GRIK5: variants seen among roughly 807,000 people sequenced by gnomAD.
GRIK5 encodes glutamate ionotropic receptor kainate type subunit 5, also known as glutamate receptor ionotropic, kainate 5.
A neutral mutation model predicts 97.4 loss-of-function variants in GRIK5; 43 were observed. The observed-to-expected ratio is 0.44, with a 90% CI of 0.35 to 0.57. GRIK5 has a LOEUF of 0.57. Among genes scored for constraint, GRIK5 ranks in the 20% least tolerant of loss-of-function variants. The probability of loss-of-function intolerance (pLI) is 0.01; values close to 1 mark genes in which losing one functional copy is unlikely to be tolerated. For synonymous variants in GRIK5, 580 were observed against 583.5 expected (o/e 0.99, Z 0.09); for missense variants, 1,015 against 1,382.0 (o/e 0.73, Z 4.21).
chr19:42,027,942 A>G (rs2075792013), intron 12 of GRIK5, among the ~76,000 whole-genome samples: 1 of 152,066 alleles, frequency 6.6e-6, no homozygotes, highest in Admixed American at 6.6e-5. Context: ...CGATTCTCCT[A>G]TACCTCAACC....
At position 42,065,804 on chromosome 19, in the gene GRIK5, C is replaced by T. The variant is rs767344405; in HGVS notation, c.-34G>A. On this transcript the variant is annotated 5_prime_UTR_variant, in exon 2 of 20. Transcript: ENST00000593562. The surrounding 1 kb of genome is among the most constrained non-coding windows in gnomAD (Gnocchi z 5.8). ...CCTCCTCATGGGGACGCAGCTGCCG[C>T]GGCCCCCACTCGCCACCTGCAGGGA... 4.9e-5 allele frequency: 75 copies of T among 1,523,418 alleles called. No homozygotes were observed. The highest frequency in any genetic ancestry group is 3.9e-4 in the East Asian group (16 of 41,008). The allele number at this position is 1,523,418 out of a possible 1,614,324, so 94.4% of individuals were successfully genotyped here.
chr19:42,022,118 G>T lies in GRIK5; in HGVS notation c.1588-62C>A. 1.4e-6 allele frequency: 2 copies of T among 1,416,016 alleles called. No homozygotes were observed. Among genetic ancestry groups the T allele is most frequent in the Non-Finnish European group, 2.0e-6 (2 of 1,012,200 alleles). The allele number at this position is 1,416,016 out of a possible 1,614,324, so 87.7% of individuals were successfully genotyped here. On this transcript the variant is annotated intron_variant, in intron 13 of 19. Coordinates refer to ENST00000593562, the MANE Select transcript of GRIK5 (RefSeq NM_002088.5). The surrounding 1 kb of genome is among the most constrained non-coding windows in gnomAD (Gnocchi z 4.2). ...GGCCTGAGCCTCACACCCAGCCCCT[G>T]CCCTACCAGGGACCTGGGAGCCTGA...
In GRIK5 at chr19:42,062,963, C is replaced by G; in HGVS notation, c.245-108G>C. 2 of 772,246 alleles carry G rather than the reference C, an allele frequency of 2.6e-6. No individual in the cohort carries two copies. Among genetic ancestry groups the G allele is most frequent in the Non-Finnish European group, 2.2e-6 (1 of 452,850 alleles). The allele number at this position is 772,246 out of a possible 1,614,324, so 47.8% of individuals were successfully genotyped here. On this transcript the variant is annotated intron_variant, in intron 3 of 19. Coordinates refer to ENST00000593562, the MANE Select transcript of GRIK5 (RefSeq NM_002088.5). This position sits in a 1 kb window ranked among gnomAD's most constrained non-coding sequence, Gnocchi z 5.3. ...CCAGGAGAGGATCAGACACTGGCAA[C>G]TGCCTGATCCTCTTCTGCCATCCGG...
rs138892643 is a variant in GRIK5, at chr19:42,040,572, C to G, written c.1473+1980G>C. 1.6e-3 allele frequency among the ~76,000 whole-genome samples: 241 copies of G among 152,216 alleles called. 3 individuals carry two copies. The highest frequency in any genetic ancestry group is 0.014 in the Middle Eastern group (4 of 294). ...TTGGGCTTCAGGCTTTAAAATTCAC[C>G]CTGGGCTGGGTGTGGTGTCTCATAC... is the stretch of plus-strand genomic sequence containing the variant. On this transcript the variant is annotated intron_variant, in intron 12 of 19. Coordinates refer to ENST00000593562, the MANE Select transcript of GRIK5 (RefSeq NM_002088.5).
intron 12 of GRIK5, among the ~76,000 whole-genome samples, chr19:42,037,722 C>T (rs1483846374): frequency 6.6e-6 from 1 of 152,174 alleles, no homozygotes. Flanking sequence ...TGATGGCTCT[C>T]AGCTCTGTCA....
chr19:42,052,552 C>T (rs1279036724), intron 11 of GRIK5, among the ~76,000 whole-genome samples: 1 of 152,208 alleles, frequency 6.6e-6, no homozygotes, highest in Non-Finnish European at 1.5e-5. Context: ...CTTTAGGTGG[C>T]CCTCTAACAT....
At chr19:42,001,663 C>G (rs2075424527) in intron 19 of GRIK5, 1 of 161,424 alleles carries the variant, frequency 6.2e-6, no homozygotes, top group Non-Finnish European at 1.4e-5. Context: ...GCCTTCAGAC[C>G]ACAGCAGTCT....
In GRIK5 at chr19:42,069,685, G is replaced by A. The variant is rs1599866984; in HGVS notation, c.-495C>T. 7.2e-6 allele frequency among the ~76,000 whole-genome samples: 1 copy of A among 138,480 alleles called. No individual in the cohort carries two copies. The highest frequency in any genetic ancestry group is 2.5e-4 in the East Asian group (1 of 3,972). 90.8% of individuals were successfully genotyped at this position (138,480 alleles called of 152,430 possible). ...CCACAGGGGGCGAGGACTGGGTGGA[G>A]AAAAGGAAGCCGGCCATCAGGAGAA... On this transcript the variant is annotated 5_prime_UTR_variant, in exon 1 of 20. Coordinates refer to ENST00000593562, the MANE Select transcript of GRIK5 (RefSeq NM_002088.5).
intron 3 of GRIK5, among the ~76,000 whole-genome samples, 169 bp from the exon 4 acceptor site, chr19:42,063,024 G>C (rs2076282151): frequency 6.6e-6 from 1 of 152,192 alleles, no homozygotes; most frequent in Non-Finnish European, 1.5e-5. Flanking sequence ...CACCCAACAA[G>C]TGAACATGAG....
rs1555871566 is a variant in GRIK5 at position 42,003,427 on chromosome 19, T to C, written c.2419A>G (p.Ile807Val). Residue 807 changes from isoleucine (I) to valine (V), a missense_variant, in exon 19 of 20, where the codon ATT becomes GTT. This residue lies in a region of GRIK5 where 229 missense variants were observed against 341.0 expected (regional missense o/e 0.67). Transcript: ENST00000593562. The surrounding 1 kb of genome is among the most constrained non-coding windows in gnomAD (Gnocchi z 4.2). ...KGLGMENIGG[I>V]FIVLICGLII... ...AGGCCACAGATGAGCACGATAAAAA[T>C]GCCACCAATGTTCTCCATGCCCAAA... The C allele has an allele frequency of 1.2e-6, 2 of 1,612,956 alleles. No homozygotes were observed. Among genetic ancestry groups the C allele is most frequent in the Non-Finnish European group, 1.7e-6 (2 of 1,179,718 alleles).
At chr19:42,031,786 G>A (rs2075843925) in intron 12 of GRIK5, among the ~76,000 whole-genome samples, 1 of 152,204 alleles carries the variant, frequency 6.6e-6, no homozygotes, top group Admixed American at 6.5e-5. Context: ...ATTCTGTTCA[G>A]AGAACCAATC....
At chr19:42,001,443 G>T (rs1555870888) in intron 19 of GRIK5, among the ~76,000 whole-genome samples, 1 of 152,156 alleles carries the variant, frequency 6.6e-6, no homozygotes, top group Non-Finnish European at 1.5e-5. Flanking sequence ...TGGCCATGCT[G>T]GTCTTGAACT....
At chr19:42,005,057 C>T (rs1555872035) in intron 17 of GRIK5, among the ~76,000 whole-genome samples, 2 of 152,080 alleles carry the variant, frequency 1.3e-5, no homozygotes, top group East Asian at 1.9e-4. Flanking sequence ...ATAACTAATA[C>T]AGGTGTCATC....
intron 3 of GRIK5, among the ~76,000 whole-genome samples, chr19:42,064,930 T>C (rs756585044): frequency 2.6e-5 from 4 of 152,294 alleles, no homozygotes; most frequent in Admixed American, 6.5e-5. Flanking sequence ...CTGGGGCTTG[T>C]TATTAAGCTC....
chr19:42,014,866 G>T (rs906028493), intron 15 of GRIK5, among the ~76,000 whole-genome samples: 1 of 152,140 alleles, frequency 6.6e-6, no homozygotes, highest in African/African-American at 2.4e-5. Flanking sequence ...ACCTGCCTGG[G>T]CAACAAAGTG....
chr19:42,017,929 T>C (rs975929587), intron 15 of GRIK5, among the ~76,000 whole-genome samples: 3 of 151,736 alleles, frequency 2.0e-5, no homozygotes, highest in African/African-American at 7.3e-5. Context: ...GCTCAGAGAA[T>C]GGAAACAGGG....
intron 3 of GRIK5, among the ~76,000 whole-genome samples, chr19:42,064,290 C>T (rs1275664830): frequency 1.3e-5 from 2 of 152,150 alleles, no homozygotes; most frequent in Non-Finnish European, 1.5e-5. Context: ...GCACTGTAGC[C>T]TCCTTGAGCC....
chr19:42,047,926 G>A (rs925782046), intron 11 of GRIK5, among the ~76,000 whole-genome samples: 4 of 142,294 alleles, frequency 2.8e-5, no homozygotes, highest in Non-Finnish European at 4.5e-5. Context: ...AGCCAAGATC[G>A]CATGCTACTA....
intron 15 of GRIK5, among the ~76,000 whole-genome samples, chr19:42,013,078 G>C (rs754387886): frequency 1.3e-5 from 2 of 152,018 alleles, no homozygotes; most frequent in Middle Eastern, 3.4e-3. Context: ...CTTAGGGCCA[G>C]AGCAGTGGCT....
Sources: allele counts gnomAD v4.1 joint callset (sites outside exome capture counted in the v4.1 genomes callset), GRCh38; gene constraint gnomAD v4.1.1; regional missense constraint gnomAD v4.1.1; non-coding constraint Gnocchi (gnomAD v3.1); transcripts MANE v1.5; gene names NCBI Gene and HGNC (gene_info 2026-07-23, HGNC 2026-07-21).